The following KLF15 variants were observed in gnomAD, a reference collection of about 807,000 sequenced individuals.
KLF15 encodes the protein Krueppel-like factor 15.
In KLF15, 4 loss-of-function variants were observed where a neutral mutation model predicts 24.6. That is an observed-to-expected ratio of 0.16 (90% CI 0.08 to 0.37). The LOEUF is 0.37. Ranked by LOEUF, KLF15 falls within the 10% of genes least tolerant of loss-of-function variation. The pLI is 1.00. For synonymous variants in KLF15, 246 were observed against 236.3 expected, an observed-to-expected ratio of 1.04 and a Z score of -0.37; for missense variants, 496 against 560.6, an observed-to-expected ratio of 0.88 and a Z score of 1.16.
At chr3:126,328,437 G>A in the KLF15 span, among the ~76,000 whole-genome samples, 2 of 152,112 alleles carry the variant, frequency 1.3e-5, no homozygotes, top group East Asian at 3.8e-4. Flanking sequence ...TTTCCTCTGG[G>A]TAGATACCTA....
At chr3:126,329,541 C>T in the KLF15 span, among the ~76,000 whole-genome samples, 1 of 152,308 alleles carries the variant, frequency 6.6e-6, no homozygotes, top group South Asian at 2.1e-4. Flanking sequence ...ATTTAAACCT[C>T]TATAGGATGT....
At chr3:126,299,222 G>GTATA in the KLF15 span, among the ~76,000 whole-genome samples, 1 of 151,932 alleles carries the variant, frequency 6.6e-6, no homozygotes, top group African/African-American at 2.4e-5. Flanking sequence ...ATGTATGTAT[G>GTATA]TATGTATGTA....
chr3:126,307,003 C>A, the KLF15 span, among the ~76,000 whole-genome samples: 1 of 150,384 alleles, frequency 6.6e-6, no homozygotes, highest in South Asian at 2.1e-4. Flanking sequence ...CACCCTCAGG[C>A]CCCCCATACT....
the KLF15 span, among the ~76,000 whole-genome samples, chr3:126,296,497 A>G: frequency 5.0e-4 from 76 of 152,334 alleles, no homozygotes; most frequent in East Asian, 6.0e-3. Flanking sequence ...GTGAGCCACC[A>G]CGCCAGACTG....
downstream of KLF15, among the ~76,000 whole-genome samples, chr3:126,341,892 T>A (rs1411197266): frequency 6.6e-6 from 1 of 152,212 alleles, no homozygotes; most frequent in African/African-American, 2.4e-5. Flanking sequence ...TGTGTGTGTG[T>A]GCTTCATACC....
At chr3:126,288,700 G>T in the KLF15 span, among the ~76,000 whole-genome samples, 7 of 152,364 alleles carry the variant, frequency 4.6e-5, no homozygotes, top group East Asian at 9.6e-4. Context: ...CATTGTCCTG[G>T]ACACACAGTC....
At chr3:126,341,760 C>T (rs1034355523), downstream of KLF15, among the ~76,000 whole-genome samples, 1 of 152,154 alleles carries the variant, frequency 6.6e-6, no homozygotes, top group Admixed American at 6.5e-5. Context: ...CTCCAGATCT[C>T]CAAGGTTTTC....
chr3:126,301,380 G>A, the KLF15 span, among the ~76,000 whole-genome samples: 1 of 152,126 alleles, frequency 6.6e-6, no homozygotes, highest in Non-Finnish European at 1.5e-5. Context: ...CCTCAAATCA[G>A]ATCTGCTCTT....
the KLF15 span, among the ~76,000 whole-genome samples, chr3:126,320,556 C>T: frequency 6.6e-6 from 1 of 152,224 alleles, no homozygotes; most frequent in Non-Finnish European, 1.5e-5. Context: ...GTTCACCTGG[C>T]TACACATGTA....
Position 126,343,394 on chromosome 3 carries a change from GGAGAA to G in KLF15, c.*328_*332del. The G allele has an allele frequency of 3.2e-6, 1 of 311,728 alleles. No individual in the cohort carries two copies. Among genetic ancestry groups the G allele is most frequent in the South Asian group, 4.5e-5 (1 of 22,332 alleles). 19.3% of individuals were successfully genotyped at this position (311,728 alleles called of 1,614,324 possible). On this transcript the variant is annotated 3_prime_UTR_variant, in exon 3 of 3. Transcript: ENST00000296233. ...TGGCCCAGGATGGGGGAGCCCAGTGGGAGAAGGGCCAGGTCCCCAAAACTCTGCCT... is the reference window on the plus strand; with the variant it reads ...TGGCCCAGGATGGGGGAGCCCAGTGGGGGCCAGGTCCCCAAAACTCTGCCT...
In KLF15 at chr3:126,343,723, G is replaced by A. The variant is rs1398949786; in HGVS notation, c.*4C>T. 7 of 1,609,280 alleles carry A rather than the reference G, an allele frequency of 4.3e-6. No homozygotes were observed. The highest frequency in any genetic ancestry group is 5.9e-6 in the Non-Finnish European group (7 of 1,178,752). ...TGACGGACAGGCTGGGGTTCAGGGC[G>A]CTTTCAGTTCACGGAGCGCACGGAG... On this transcript the variant is annotated 3_prime_UTR_variant, in exon 3 of 3. Transcript: ENST00000296233.
At chr3:126,308,145 AG>A in the KLF15 span, among the ~76,000 whole-genome samples, 1 of 152,172 alleles carries the variant, frequency 6.6e-6, no homozygotes, top group African/African-American at 2.4e-5. Context: ...GCAGACTCTG[AG>A]ATGGACAGAG....
chr3:126,315,424 C>G, the KLF15 span, among the ~76,000 whole-genome samples: 3 of 152,188 alleles, frequency 2.0e-5, no homozygotes, highest in Non-Finnish European at 4.4e-5. Context: ...GCCTGTGCTG[C>G]ATGGTCCACC....
the KLF15 span, among the ~76,000 whole-genome samples, chr3:126,323,782 G>A: frequency 4.1e-4 from 59 of 144,098 alleles, no homozygotes; most frequent in South Asian, 1.1e-3. Flanking sequence ...TGTAAGTCAC[G>A]CCTGATAATC....
At chr3:126,317,980 C>T in the KLF15 span, among the ~76,000 whole-genome samples, 187 of 152,278 alleles carry the variant, frequency 1.2e-3, no homozygotes, top group Middle Eastern at 0.034. Context: ...ACAATAACAT[C>T]TTTCCGGTCA....
At chr3:126,339,031 A>G (rs2082460102), downstream of KLF15, among the ~76,000 whole-genome samples, 1 of 152,140 alleles carries the variant, frequency 6.6e-6, no homozygotes. Context: ...GTGCGCCAGG[A>G]TGGCTTGGAG....
the KLF15 span, among the ~76,000 whole-genome samples, chr3:126,307,034 T>G: frequency 6.6e-6 from 1 of 152,160 alleles, no homozygotes; most frequent in Admixed American, 6.5e-5. Context: ...CTTAACCAAC[T>G]ATCTTTCCAG....
chr3:126,315,953 A>C, the KLF15 span, among the ~76,000 whole-genome samples: 1 of 152,176 alleles, frequency 6.6e-6, no homozygotes, highest in Non-Finnish European at 1.5e-5. Context: ...ATTCCGACAT[A>C]AGAGAAGGAG....
the KLF15 span, among the ~76,000 whole-genome samples, chr3:126,289,512 G>A: frequency 6.6e-6 from 1 of 152,212 alleles, no homozygotes; most frequent in South Asian, 2.1e-4. Context: ...GCAATTCACA[G>A]AAGACAAAGT....
Sources: gnomAD v4.1 joint callset for allele counts (sites outside exome capture counted in the v4.1 genomes callset) on GRCh38, gnomAD v4.1.1 for gene constraint, MANE v1.5 for transcripts, NCBI Gene and HGNC (gene_info 2026-07-23, HGNC 2026-07-21) for gene names.